Variants in TENM4 observed in about 807,000 individuals in gnomAD.
TENM4 encodes the protein teneurin transmembrane protein 4, also known as teneurin-4.
A neutral mutation model predicts 243.3 loss-of-function variants in TENM4; 82 were observed. The ratio of observed to expected loss-of-function variants is 0.34; its 90% CI spans 0.28 to 0.40. The LOEUF (loss-of-function observed/expected upper bound fraction) is 0.40, where lower values mean the gene tolerates loss of function less well. Ranked by LOEUF, TENM4 falls within the 10% of genes least tolerant of loss-of-function variation. The probability of loss-of-function intolerance (pLI) is 1.00; values close to 1 mark genes in which losing one functional copy is unlikely to be tolerated. For missense variants in TENM4, 3,138 were observed against 3,673.3 expected (o/e 0.85, Z 3.77); for synonymous variants, 1,412 against 1,456.3 (o/e 0.97, Z 0.69).
At chr11:78,761,876 G>A (rs1856438305) in intron 18 of TENM4, among the ~76,000 whole-genome samples, 1 of 152,058 alleles carries the variant, frequency 6.6e-6, no homozygotes, top group Non-Finnish European at 1.5e-5. Context: ...TGCTGACTCT[G>A]AAATTATTCT....
rs968241516 is a variant in TENM4, at chr11:78,707,916, A to C, written c.4209+445T>G. 3.9e-5 allele frequency among the ~76,000 whole-genome samples: 6 copies of C among 152,266 alleles called. No homozygotes were observed. The East Asian group carries it at 9.6e-4, about 24-fold the overall frequency. On this transcript the variant is annotated intron_variant, in intron 27 of 33. Coordinates refer to ENST00000278550, the MANE Select transcript of TENM4 (RefSeq NM_001098816.3). ...CTAGGATTCAATCAATCGATTAATC[A>C]ATCAGCAAGTATAGACTGTGCCCAA...
chr11:78,849,269 C>T (rs112217099), intron 12 of TENM4, among the ~76,000 whole-genome samples: 240 of 152,288 alleles, frequency 1.6e-3, no homozygotes, highest in African/African-American at 5.4e-3. Flanking sequence ...TCATGGTCTT[C>T]TTAATGACTT....
intron 1 of TENM4, among the ~76,000 whole-genome samples, chr11:79,355,831 C>T (rs1857488019): frequency 6.6e-6 from 1 of 152,214 alleles, no homozygotes; most frequent in African/African-American, 2.4e-5. Flanking sequence ...GCAGCTCACA[C>T]TGACACATGA....
At chr11:79,160,666 A>G (rs1256919598) in intron 3 of TENM4, among the ~76,000 whole-genome samples, 1 of 152,210 alleles carries the variant, frequency 6.6e-6, no homozygotes. Flanking sequence ...GCTTATCAGC[A>G]TGTCACCAGT....
At chr11:78,824,312 G>A (rs1003229652) in intron 12 of TENM4, among the ~76,000 whole-genome samples, 7 of 152,120 alleles carry the variant, frequency 4.6e-5, no homozygotes, top group African/African-American at 1.7e-4. Flanking sequence ...TGAAGTGGGA[G>A]CCTGCATATC....
At chr11:79,054,000 A>G (rs866493495) in intron 6 of TENM4, among the ~76,000 whole-genome samples, 2 of 152,162 alleles carry the variant, frequency 1.3e-5, no homozygotes, top group Non-Finnish European at 2.9e-5. Flanking sequence ...GCCCATTGCT[A>G]TCTGCTCTGG....
At chr11:79,294,569 C>T (rs1323375553) in intron 2 of TENM4, among the ~76,000 whole-genome samples, 7 of 152,060 alleles carry the variant, frequency 4.6e-5, no homozygotes, top group Non-Finnish European at 7.3e-5. Context: ...AAGTTGGGGG[C>T]CAGGCGCGGT....
chr11:78,894,617 AG>A (rs1855746047), intron 7 of TENM4, among the ~76,000 whole-genome samples: 1 of 152,346 alleles, frequency 6.6e-6, no homozygotes, highest in East Asian at 1.9e-4. Context: ...GTCTCCTGAA[AG>A]AGCTTCCACA....
At chr11:79,016,360 TGAA>T (rs1176688560) in intron 6 of TENM4, among the ~76,000 whole-genome samples, 1 of 152,110 alleles carries the variant, frequency 6.6e-6, no homozygotes, top group African/African-American at 2.4e-5. Context: ...ACACAGAAGA[TGAA>T]GAAAAGGCGA....
intron 4 of TENM4, among the ~76,000 whole-genome samples, chr11:79,077,645 C>A (rs1278471866): frequency 1.3e-5 from 2 of 152,130 alleles, no homozygotes; most frequent in Non-Finnish European, 2.9e-5. Context: ...TCCTAGATCA[C>A]AGCATGGAAA....
intron 2 of TENM4, among the ~76,000 whole-genome samples, chr11:79,250,792 C>G (rs928450236): frequency 6.6e-6 from 1 of 152,172 alleles, no homozygotes; most frequent in African/African-American, 2.4e-5. Context: ...ACTTGCTAGG[C>G]GAAGCTTAAA....
intron 6 of TENM4, among the ~76,000 whole-genome samples, chr11:78,932,014 G>C (rs899791454): frequency 6.6e-6 from 1 of 152,150 alleles, no homozygotes; most frequent in Non-Finnish European, 1.5e-5. Flanking sequence ...AAAAAAGGTA[G>C]TAATGGCTAC....
chr11:79,338,592 C>T (rs1857191303), intron 1 of TENM4, among the ~76,000 whole-genome samples: 1 of 152,234 alleles, frequency 6.6e-6, no homozygotes, highest in East Asian at 1.9e-4. Flanking sequence ...CTTCTTTCAC[C>T]TTAGCCCTGG....
At chr11:78,829,133 G>C (rs1211008864) in intron 12 of TENM4, among the ~76,000 whole-genome samples, 1 of 152,200 alleles carries the variant, frequency 6.6e-6, no homozygotes, top group African/African-American at 2.4e-5. Context: ...TGGGTCCCTG[G>C]TTCTTTCTAC....
At chr11:78,734,689 C>T (rs73496561) in intron 20 of TENM4, among the ~76,000 whole-genome samples, 2,551 of 152,240 alleles carry the variant, frequency 0.017, 40 homozygotes, top group African/African-American at 0.043. Context: ...TCACCTCCCC[C>T]ACACAGCCTT....
intron 9 of TENM4, among the ~76,000 whole-genome samples, chr11:78,877,400 T>C (rs527260571): frequency 6.6e-6 from 1 of 152,344 alleles, no homozygotes; most frequent in African/African-American, 2.4e-5. Flanking sequence ...AGTGCAAGAA[T>C]AGCCATCAGG....
chr11:78,828,708 G>A (rs1857912466), intron 12 of TENM4, among the ~76,000 whole-genome samples: 1 of 152,238 alleles, frequency 6.6e-6, no homozygotes, highest in African/African-American at 2.4e-5. Context: ...AGCTGCTCTA[G>A]CCACCTAGGC....
At chr11:79,352,489 C>T (rs148754943) in intron 1 of TENM4, among the ~76,000 whole-genome samples, 1 of 152,254 alleles carries the variant, frequency 6.6e-6, no homozygotes, top group South Asian at 2.1e-4. Context: ...ACACCACTGC[C>T]TGGGTGACAT....
intron 6 of TENM4, among the ~76,000 whole-genome samples, chr11:78,919,907 T>A (rs1485046852): frequency 6.6e-6 from 1 of 152,098 alleles, no homozygotes; most frequent in Non-Finnish European, 1.5e-5. Flanking sequence ...GCGTCACTCT[T>A]CAGGCAGACC....
Sources: gnomAD v4.1 joint callset for allele counts (sites outside exome capture counted in the v4.1 genomes callset) on GRCh38, gnomAD v4.1.1 for gene constraint, MANE v1.5 for transcripts, NCBI Gene and HGNC (gene_info 2026-07-23, HGNC 2026-07-21) for gene names.